The following GNAS variants were observed in gnomAD, a reference collection of about 807,000 sequenced individuals.
GNAS encodes protein ALEX.
GNAS carries 8 observed loss-of-function variants against 54.5 expected under a neutral mutation model. That is an observed-to-expected ratio of 0.15 (90% CI 0.09 to 0.26). The LOEUF (loss-of-function observed/expected upper bound fraction) is 0.26. GNAS is among the 10% of genes least tolerant of loss of function. The pLI, the probability that GNAS is intolerant of heterozygous loss-of-function variation, is 1.00. For synonymous variants in GNAS, 204 were observed against 191.4 expected, an observed-to-expected ratio of 1.07 and a Z score of -0.54; for missense variants, 170 against 529.8, an observed-to-expected ratio of 0.32 and a Z score of 6.67.
chr20:58,893,261 AAAAT>A (rs1268759451), intron 1 of GNAS, among the ~76,000 whole-genome samples: 3 of 151,748 alleles, frequency 2.0e-5, no homozygotes, highest in Non-Finnish European at 1.5e-5. Context: ...AAATAATAAT[AAAAT>A]AAAAAAAGGT....
chr20:58,896,621 TAA>T (rs5842245), intron 2 of GNAS, among the ~76,000 whole-genome samples: 79 of 133,436 alleles, frequency 5.9e-4, no homozygotes, highest in African/African-American at 2.0e-3. Context: ...ACAAAACGTG[TAA>T]AAAAAAAAAA....
intron 3 of GNAS, among the ~76,000 whole-genome samples, chr20:58,901,288 C>T (rs979917500): frequency 1.3e-5 from 2 of 152,176 alleles, no homozygotes; most frequent in African/African-American, 4.8e-5. Flanking sequence ...CGATGTTAGA[C>T]TGTAATACCA....
At chr20:58,894,857 C>G (rs190651829) in intron 1 of GNAS, among the ~76,000 whole-genome samples, 42 of 152,260 alleles carry the variant, frequency 2.8e-4, no homozygotes, top group African/African-American at 1.0e-3. Context: ...GTCTCAGGAA[C>G]TGTATTTGAT....
chr20:58,876,569 T>C (rs1423296108), intron 1 of GNAS: 1 of 151,830 alleles, frequency 6.6e-6, no homozygotes, highest in Non-Finnish European at 1.5e-5. Flanking sequence ...TCAGTAACAC[T>C]CAGTGAGGAG....
upstream of GNAS, chr20:58,889,249 C>A (rs1303336050): frequency 1.2e-5 from 13 of 1,118,538 alleles, no homozygotes; most frequent in Non-Finnish European, 1.4e-5. Flanking sequence ...TGCTCTCTGG[C>A]TCCGGGCTGC....
chr20:58,898,887 T>G (rs368321902), intron 2 of GNAS, 54 bp from the exon 3 acceptor site: 9 of 1,448,322 alleles, frequency 6.2e-6, no homozygotes, highest in Admixed American at 1.7e-5. Flanking sequence ...GTGGGGTTTG[T>G]GTGACACTGC....
chr20:58,877,666 A>C (rs966353458), intron 1 of GNAS, among the ~76,000 whole-genome samples: 1 of 152,160 alleles, frequency 6.6e-6, no homozygotes, highest in Admixed American at 6.5e-5. Flanking sequence ...GTGTTTTAGG[A>C]ATGGGGAAAG....
chr20:58,882,260 G>A (rs1440311991), intron 1 of GNAS, among the ~76,000 whole-genome samples: 8 of 152,172 alleles, frequency 5.3e-5, no homozygotes. Context: ...TAGTAGAGAC[G>A]GGGTTTCACC....
chr20:58,901,487 T>C (rs1243177132), intron 3 of GNAS, among the ~76,000 whole-genome samples: 1 of 152,152 alleles, frequency 6.6e-6, no homozygotes, highest in East Asian at 1.9e-4. Context: ...CATCTGTGTT[T>C]CTGAGATTCT....
chr20:58,898,057 A>T (rs2090233723), intron 2 of GNAS: 1 of 152,252 alleles, frequency 6.6e-6, no homozygotes, highest in Non-Finnish European at 1.5e-5. Context: ...TCAGAAATAC[A>T]GAGGTTGGAT....
upstream of GNAS, among the ~76,000 whole-genome samples, chr20:58,889,822 G>C (rs955536286): frequency 6.6e-6 from 1 of 151,302 alleles, no homozygotes; most frequent in Admixed American, 6.6e-5. Context: ...CCGAGGCCGG[G>C]GGCAAGCAGG....
chr20:58,891,256 G>GCCA (rs2089240905), upstream of GNAS: 2 of 146,752 alleles, frequency 1.4e-5, no homozygotes, highest in Admixed American at 6.7e-5. Context: ...CGCCGCCGCC[G>GCCA]CGGCCGCTCC....
rs780574000 is a variant in GNAS at position 58,853,513 on chromosome 20, C to T, written c.43+12627C>T. 18 of 1,613,142 alleles carry T rather than the reference C, an allele frequency of 1.1e-5. No individual in the cohort carries two copies. Among genetic ancestry groups the T allele is most frequent in the Admixed American group, 1.7e-5 (1 of 60,004 alleles). On this transcript the variant is annotated intron_variant, in intron 1 of 12. Coordinates refer to the GNAS transcript ENST00000306090. This position sits in a 1 kb window ranked among gnomAD's most constrained non-coding sequence, Gnocchi z 4.4. ...AGACCCAACTTTCAGGTCCTCAACC[C>T]GGCATTCAGGGAAGCTGGAGCCCAT...
intron 1 of GNAS, chr20:58,842,434 T>C: frequency 5.0e-6 from 2 of 398,620 alleles, no homozygotes; most frequent in Non-Finnish European, 8.8e-6. Flanking sequence ...GGAAAATACC[T>C]TAAATGGTCT....
intron 5 of GNAS, 35 bp from the exon 6 acceptor site, chr20:58,905,348 T>A: frequency 8.4e-7 from 1 of 1,189,090 alleles, no homozygotes; most frequent in Non-Finnish European, 1.3e-6. Context: ...TTCAAGCTCT[T>A]GCCTTTCTCT....
Position 58,891,642 on chromosome 20 carries a change from T to G in GNAS, c.-85T>G, listed in dbSNP as rs2089344805. 1 of 953,636 alleles carries G rather than the reference T, an allele frequency of 1.0e-6. No individual in the cohort carries two copies. The highest frequency in any genetic ancestry group is 5.0e-5 in the South Asian group (1 of 20,074). 59.1% of individuals were successfully genotyped at this position (953,636 alleles called of 1,614,324 possible). A position where few individuals can be genotyped will look rare whatever the true frequency, so the allele number is the denominator to read the frequency against. On this transcript the variant is annotated 5_prime_UTR_variant, in exon 1 of 13. Transcript: ENST00000371085. ...CGCGCCCGGCCCGCCCGCCCGGCGC[T>G]GCCCCGGCCCTCCCGGCCCGCGTGA...
intron 1 of GNAS, chr20:58,854,346 A>G: frequency 6.3e-7 from 1 of 1,586,308 alleles, no homozygotes; most frequent in South Asian, 1.1e-5. Context: ...AGCAGCAGAG[A>G]TGGAAGGAGC....
upstream of GNAS, chr20:58,890,931 C>G (rs1350062743): frequency 6.6e-6 from 1 of 152,018 alleles, no homozygotes; most frequent in Non-Finnish European, 1.5e-5. Context: ...GAAAATTTTC[C>G]TAAGTCCGGG....
chr20:58,893,921 G>C (rs553277434), intron 1 of GNAS, among the ~76,000 whole-genome samples: 1 of 152,266 alleles, frequency 6.6e-6, no homozygotes, highest in Non-Finnish European at 1.5e-5. Flanking sequence ...TGCGTCACGG[G>C]GGCTAATCTA....
Sources: gnomAD v4.1 joint callset for allele counts (sites outside exome capture counted in the v4.1 genomes callset) on GRCh38, gnomAD v4.1.1 for gene constraint, Gnocchi (gnomAD v3.1) non-coding constraint, MANE v1.5 for transcripts, NCBI Gene and HGNC (gene_info 2026-07-23, HGNC 2026-07-21) for gene names.